The following NEBL variants were observed in gnomAD, a reference collection of about 807,000 sequenced individuals.
The protein encoded by NEBL is LIM and SH3 protein 2.
A neutral mutation model predicts 140.2 loss-of-function variants in NEBL; 122 were observed. The ratio of observed to expected loss-of-function variants is 0.87; its 90% CI spans 0.75 to 1.01. The LOEUF (loss-of-function observed/expected upper bound fraction) is 1.01, where lower values mean the gene tolerates loss of function less well. NEBL is among the 50% of genes least tolerant of loss of function. The pLI is 0.00. For missense variants in NEBL, 1,365 were observed against 1,231.3 expected, an observed-to-expected ratio of 1.11 and a Z score of -1.62; for synonymous variants, 436 against 398.9, an observed-to-expected ratio of 1.09 and a Z score of -1.11.
At position 20,812,964 on chromosome 10, in the gene NEBL, C is replaced by A. The variant is rs371822147; in HGVS notation, c.2347-24G>T. 7 of 1,603,598 alleles carry A rather than the reference C, an allele frequency of 4.4e-6. No individual in the cohort carries two copies. In the African/African-American group the frequency reaches 5.4e-5, roughly 12 times the overall value. ...ACCTGAAAAAGGAAAAATCATCATA[C>A]TGAATTTTGCGGATAGTTACCTCTT... On this transcript the variant is annotated intron_variant, in intron 23 of 27. Coordinates refer to ENST00000377122, the MANE Select transcript of NEBL (RefSeq NM_006393.3).
At chr10:21,082,531 C>T (rs1243028399) in intron 2 of NEBL, among the ~76,000 whole-genome samples, 2 of 89,794 alleles carry the variant, frequency 2.2e-5, no homozygotes, top group East Asian at 2.6e-4. Context: ...TTCCCCACCA[C>T]CACTAAAAAA....
intron 2 of NEBL, among the ~76,000 whole-genome samples, chr10:21,048,466 A>AAC (rs1293286799): frequency 6.6e-6 from 1 of 151,934 alleles, no homozygotes; most frequent in Non-Finnish European, 1.5e-5. Flanking sequence ...AAAAAAAAAA[A>AAC]AAACCTAAGT....
At chr10:20,995,086 C>T (rs1251107399) in intron 3 of NEBL, among the ~76,000 whole-genome samples, 2 of 152,190 alleles carry the variant, frequency 1.3e-5, no homozygotes, top group Non-Finnish European at 1.5e-5. Flanking sequence ...GGAGAAAACA[C>T]GGAGGGCATG....
chr10:20,996,880 C>CGAG (rs1303322211), intron 3 of NEBL, among the ~76,000 whole-genome samples: 1 of 152,180 alleles, frequency 6.6e-6, no homozygotes, highest in African/African-American at 2.4e-5. Context: ...GTCTTTTTCT[C>CGAG]TCTCTAAACC....
chr10:21,177,102 C>G (rs910068595), upstream of NEBL, among the ~76,000 whole-genome samples: 2 of 152,146 alleles, frequency 1.3e-5, no homozygotes, highest in African/African-American at 4.8e-5. Flanking sequence ...GGCAGTGTGC[C>G]TTTCCCCACT....
chr10:21,130,528 AATC>A (rs1396525818), intron 2 of NEBL, among the ~76,000 whole-genome samples: 2 of 152,202 alleles, frequency 1.3e-5, no homozygotes, highest in Non-Finnish European at 2.9e-5. Flanking sequence ...AAATAATAGA[AATC>A]ATACAATGTC....
At chr10:21,184,551 G>A (rs528462381) in intron 3 of NEBL, among the ~76,000 whole-genome samples, 26 of 152,280 alleles carry the variant, frequency 1.7e-4, no homozygotes, top group Admixed American at 1.3e-3. Context: ...GCTTCATGGC[G>A]ATGGATGGAG....
chr10:20,999,736 C>T (rs1837812723), intron 3 of NEBL, among the ~76,000 whole-genome samples: 1 of 152,206 alleles, frequency 6.6e-6, no homozygotes, highest in Non-Finnish European at 1.5e-5. Flanking sequence ...GGTCTGATGG[C>T]TCCATGTTCT....
At chr10:20,881,172 G>A (rs546890769) in intron 4 of NEBL, among the ~76,000 whole-genome samples, 1 of 152,284 alleles carries the variant, frequency 6.6e-6, no homozygotes, top group South Asian at 2.1e-4. Flanking sequence ...AACCTCGGGT[G>A]TAGTTTTGGG....
intron 4 of NEBL, among the ~76,000 whole-genome samples, chr10:20,917,353 C>T (rs1421255873): frequency 3.3e-5 from 5 of 152,268 alleles, no homozygotes; most frequent in East Asian, 1.9e-4. Flanking sequence ...AACTATTTCT[C>T]GAGGGGCACA....
chr10:21,145,678 G>A (rs568953961), intron 2 of NEBL, among the ~76,000 whole-genome samples: 3 of 152,144 alleles, frequency 2.0e-5, no homozygotes, highest in African/African-American at 4.8e-5. Flanking sequence ...ATGACCTGCC[G>A]AACATCCCAA....
chr10:21,021,260 A>G (rs756310053), intron 2 of NEBL, among the ~76,000 whole-genome samples: 5 of 152,174 alleles, frequency 3.3e-5, no homozygotes, highest in South Asian at 2.1e-4. Context: ...GGCCACATTT[A>G]TCGTTTAGGT....
intron 2 of NEBL, among the ~76,000 whole-genome samples, chr10:21,115,333 C>T (rs771005230): frequency 7.9e-5 from 12 of 151,624 alleles, no homozygotes; most frequent in Non-Finnish European, 1.6e-4. Context: ...TCATATTTAC[C>T]TTTTCTAGTG....
chr10:21,116,014 C>A (rs1280975021), intron 2 of NEBL, among the ~76,000 whole-genome samples: 1 of 151,324 alleles, frequency 6.6e-6, no homozygotes, highest in African/African-American at 2.4e-5. Flanking sequence ...GCTGTTTATC[C>A]CTCTCATGTA....
At chr10:21,152,672 G>A (rs1211122309) in intron 2 of NEBL, among the ~76,000 whole-genome samples, 2 of 151,934 alleles carry the variant, frequency 1.3e-5, no homozygotes, top group African/African-American at 4.8e-5. Context: ...CTGCCCAATT[G>A]TACATCAAGT....
chr10:20,917,738 G>A (rs539769766), intron 4 of NEBL, among the ~76,000 whole-genome samples: 3 of 152,252 alleles, frequency 2.0e-5, no homozygotes, highest in African/African-American at 4.8e-5. Flanking sequence ...TAAAATTAAT[G>A]TGTGTTTCTG....
chr10:20,963,109 T>C (rs1836135368), intron 3 of NEBL, among the ~76,000 whole-genome samples: 3 of 152,018 alleles, frequency 2.0e-5, no homozygotes, highest in African/African-American at 7.3e-5. Flanking sequence ...CTCTGTACTT[T>C]CGATTTGTAA....
intron 4 of NEBL, among the ~76,000 whole-genome samples, chr10:20,929,441 C>T (rs1834072108): frequency 6.6e-6 from 1 of 152,094 alleles, no homozygotes; most frequent in South Asian, 2.1e-4. Flanking sequence ...AAAATTGTAA[C>T]CTCAGCAATC....
At chr10:21,164,515 A>G (rs1293990108) in intron 2 of NEBL, among the ~76,000 whole-genome samples, 1 of 152,222 alleles carries the variant, frequency 6.6e-6, no homozygotes, top group Non-Finnish European at 1.5e-5. Flanking sequence ...GCATTTCACC[A>G]TGATTGAGGA....
Sources: allele counts gnomAD v4.1 joint callset (sites outside exome capture counted in the v4.1 genomes callset), GRCh38; gene constraint gnomAD v4.1.1; transcripts MANE v1.5; gene names NCBI Gene and HGNC (gene_info 2026-07-23, HGNC 2026-07-21).